CD226: variants seen among roughly 807,000 people sequenced by gnomAD.
The protein encoded by CD226 is CD226 molecule.
A neutral mutation model predicts 34.9 loss-of-function variants in CD226; 24 were observed. That is an observed-to-expected ratio of 0.69 (90% confidence interval 0.50 to 0.97). The LOEUF (loss-of-function observed/expected upper bound fraction) is 0.97. CD226 is among the 50% of genes least tolerant of loss of function. CD226 has a pLI of 0.00. For synonymous variants in CD226, 148 were observed against 147.4 expected, an observed-to-expected ratio of 1.00 and a Z score of -0.03; for missense variants, 397 against 412.7, an observed-to-expected ratio of 0.96 and a Z score of 0.33.
chr18:69,894,091 G>T (rs1368219981), intron 3 of CD226, among the ~76,000 whole-genome samples: 1 of 151,450 alleles, frequency 6.6e-6, no homozygotes, highest in Non-Finnish European at 1.5e-5. Flanking sequence ...AAAGGGAATG[G>T]AACAGAGTGA....
At chr18:69,888,033 C>G (rs559062821) in intron 3 of CD226, among the ~76,000 whole-genome samples, 104 of 152,260 alleles carry the variant, frequency 6.8e-4, no homozygotes, top group African/African-American at 2.4e-3. Flanking sequence ...AAACCTAGTA[C>G]ATCGCCTTTG....
rs113833786 is a variant in CD226, at chr18:69,895,599, G to A, written c.727+102C>T. 2.1e-4 allele frequency: 171 copies of A among 824,790 alleles called. No homozygotes were observed. The African/African-American group carries it at 2.4e-3, about 12-fold the overall frequency. 51.1% of individuals were successfully genotyped at this position (824,790 alleles called of 1,614,324 possible). A position where few individuals can be genotyped will look rare whatever the true frequency, so the allele number is the denominator to read the frequency against. ...AGCCATTTAAAAAAATGCTGAATAT[G>A]CGCATTAAATGAACATGTTTACCAT... On this transcript the variant is annotated intron_variant, in intron 3 of 5. Coordinates refer to ENST00000582621, the MANE Select transcript of CD226 (RefSeq NM_001303618.2).
At chr18:69,889,104 A>G (rs1984732435) in intron 3 of CD226, among the ~76,000 whole-genome samples, 1 of 152,132 alleles carries the variant, frequency 6.6e-6, no homozygotes, top group African/African-American at 2.4e-5. Context: ...CAACCACATA[A>G]TAGCCATGAT....
chr18:69,900,613 T>A (rs1242955574), intron 2 of CD226, among the ~76,000 whole-genome samples: 5 of 150,366 alleles, frequency 3.3e-5, no homozygotes, highest in African/African-American at 4.9e-5. Context: ...GCGCCTGTAG[T>A]CCCAGCTACT....
chr18:69,912,007 C>CT (rs556251157), intron 2 of CD226, among the ~76,000 whole-genome samples: 1 of 151,890 alleles, frequency 6.6e-6, no homozygotes, highest in Non-Finnish European at 1.5e-5. Context: ...ATGTTTCTTT[C>CT]TTTTTTTATT....
At chr18:69,867,975 G>C (rs984767563) in intron 4 of CD226, among the ~76,000 whole-genome samples, 1 of 152,172 alleles carries the variant, frequency 6.6e-6, no homozygotes, top group Non-Finnish European at 1.5e-5. Flanking sequence ...GGTTGGTGTA[G>C]TGCTGGAATT....
chr18:69,946,266 G>GAGAA (rs144209788), intron 2 of CD226, among the ~76,000 whole-genome samples: 3 of 148,388 alleles, frequency 2.0e-5, no homozygotes, highest in Admixed American at 1.3e-4. Flanking sequence ...AAGAGAGAGA[G>GAGAA]AGAAAGAAAG....
intron 2 of CD226, among the ~76,000 whole-genome samples, chr18:69,898,404 C>T (rs939619152): frequency 3.9e-5 from 6 of 152,170 alleles, no homozygotes; most frequent in African/African-American, 1.2e-4. Flanking sequence ...TGCTGTCAGG[C>T]CCCCGTGAAC....
Position 69,864,080 on chromosome 18 carries a change from T to C in CD226, c.*234A>G. 1 of 440,080 alleles carries C rather than the reference T, an allele frequency of 2.3e-6. No homozygotes were observed. Among genetic ancestry groups the C allele is most frequent in the East Asian group, 4.2e-5 (1 of 23,756 alleles). 27.3% of individuals were successfully genotyped at this position (440,080 alleles called of 1,614,324 possible). ...CCAAAGCTTAATCTCCCCTGGATCA[T>C]TCTGTTATATGATACAGTAAGTTTT... On this transcript the variant is annotated 3_prime_UTR_variant, in exon 6 of 6. Coordinates refer to ENST00000582621, the MANE Select transcript of CD226 (RefSeq NM_001303618.2).
chr18:69,896,928 C>T (rs1475373057), intron 2 of CD226, among the ~76,000 whole-genome samples: 1 of 152,180 alleles, frequency 6.6e-6, no homozygotes, highest in East Asian at 1.9e-4. Flanking sequence ...TCCCACCTTC[C>T]TCACACCATT....
intron 3 of CD226, among the ~76,000 whole-genome samples, chr18:69,887,819 G>A (rs1247621039): frequency 6.6e-6 from 1 of 152,182 alleles, no homozygotes; most frequent in Non-Finnish European, 1.5e-5. Flanking sequence ...AGTGCTCAAT[G>A]AAGATTGCAA....
intron 2 of CD226, among the ~76,000 whole-genome samples, chr18:69,925,295 T>C (rs2055507711): frequency 6.6e-6 from 1 of 152,224 alleles, no homozygotes; most frequent in African/African-American, 2.4e-5. Flanking sequence ...GGACAAGTAC[T>C]TCGTGCATAA....
rs1273667500 is a variant in CD226 at position 69,895,817 on chromosome 18, C to CA, written c.610dup (p.Trp204LeufsTer41). 1.2e-6 allele frequency: 2 copies of CA among 1,614,184 alleles called. No homozygotes were observed. ...GACATCGGGGATGACGATGACGCTC[C>CA]ACCTTCCGTGGCTGCAGTTGCTCAC... On this transcript the variant is annotated frameshift_variant, in exon 3 of 6. Coordinates refer to ENST00000582621, the MANE Select transcript of CD226 (RefSeq NM_001303618.2). LOFTEE classifies it high-confidence loss of function.
intron 2 of CD226, among the ~76,000 whole-genome samples, chr18:69,913,855 A>C (rs1051894873): frequency 2.0e-5 from 3 of 152,188 alleles, no homozygotes; most frequent in Non-Finnish European, 4.4e-5. Flanking sequence ...AAAGAATTGG[A>C]GAATTATAGA....
chr18:69,887,449 T>C (rs1984626213), intron 3 of CD226, among the ~76,000 whole-genome samples: 1 of 152,232 alleles, frequency 6.6e-6, no homozygotes, highest in South Asian at 2.1e-4. Context: ...TATTTTTCTG[T>C]ATAAACTTCC....
rs74745457 is a variant in CD226, at chr18:69,956,018, T to C, written c.-28+737A>G. 2.8e-3 allele frequency among the ~76,000 whole-genome samples: 428 copies of C among 152,282 alleles called. 5 individuals are homozygous for C. The highest frequency in any genetic ancestry group is 2.5e-3 in the Non-Finnish European group (170 of 68,018). ...TTAGAACCTTGGCAAGTCATACACA[T>C]GTCCCCAGGAGTGAGGCTACTGCTG... On this transcript the variant is annotated intron_variant, in intron 1 of 6. Coordinates refer to the CD226 transcript ENST00000280200.
Position 69,860,146 on chromosome 18 carries a change from A to AT in CD226, c.*4167dup, listed in dbSNP as rs1190967811. The AT allele has an allele frequency of 6.6e-6, 1 of 152,166 alleles. No homozygotes were observed. The highest frequency in any genetic ancestry group is 2.4e-5 in the African/African-American group (1 of 41,442). The allele number at this position is 152,166 out of a possible 1,614,324, so 9.4% of individuals were successfully genotyped here. A position where few individuals can be genotyped will look rare whatever the true frequency, so the allele number is the denominator to read the frequency against. ...AAATTACAATGTATCATTGATTTGAATTTTTTCTGCATGTAATTCATCAGT... is the reference window on the plus strand; with the variant it reads ...AAATTACAATGTATCATTGATTTGAATTTTTTTCTGCATGTAATTCATCAGT... On this transcript the variant is annotated 3_prime_UTR_variant, in exon 6 of 6. Transcript: ENST00000582621.
intron 2 of CD226, 85 bp from the exon 3 acceptor site, chr18:69,896,130 G>A: frequency 6.1e-6 from 9 of 1,485,890 alleles, no homozygotes; most frequent in South Asian, 1.3e-5. Flanking sequence ...AAAAATAATT[G>A]GTGATGTTAC....
chr18:69,940,756 GA>G (rs1183724225), intron 2 of CD226, among the ~76,000 whole-genome samples: 1 of 152,168 alleles, frequency 6.6e-6, no homozygotes, highest in Non-Finnish European at 1.5e-5. Context: ...CGACAGAAAA[GA>G]AAAACATTTT....
Sources: allele counts gnomAD v4.1 joint callset (sites outside exome capture counted in the v4.1 genomes callset), GRCh38; gene constraint gnomAD v4.1.1; transcripts MANE v1.5; gene names NCBI Gene and HGNC (gene_info 2026-07-23, HGNC 2026-07-21).